Variants in CDH4 observed in about 807,000 individuals in gnomAD.
CDH4 encodes the protein cadherin 4.
CDH4 carries 33 observed loss-of-function variants against 86.0 expected under a neutral mutation model. The ratio of observed to expected loss-of-function variants is 0.38; its 90% CI spans 0.29 to 0.51. CDH4 has a LOEUF of 0.51. Ranked by LOEUF, CDH4 falls within the 20% of genes least tolerant of loss-of-function variation. The probability of loss-of-function intolerance (pLI) is 0.86; values close to 1 mark genes in which losing one functional copy is unlikely to be tolerated. For synonymous variants in CDH4, 555 were observed against 549.4 expected (o/e 1.01, Z -0.14); for missense variants, 1,114 against 1,307.4 (o/e 0.85, Z 2.28).
intron 3 of CDH4, among the ~76,000 whole-genome samples, chr20:61,756,990 A>G (rs1050056486): frequency 1.3e-5 from 2 of 152,222 alleles, no homozygotes; most frequent in Non-Finnish European, 2.9e-5. Context: ...GAAAAACAGC[A>G]ATTCTAGAAT....
intron 2 of CDH4, among the ~76,000 whole-genome samples, chr20:61,432,809 T>C (rs1158487456): frequency 6.6e-6 from 1 of 151,942 alleles, no homozygotes; most frequent in Non-Finnish European, 1.5e-5. Context: ...CTGTACCCTT[T>C]CTAGTTCTAC....
At chr20:61,599,342 C>T (rs940425930) in intron 2 of CDH4, among the ~76,000 whole-genome samples, 18 of 152,178 alleles carry the variant, frequency 1.2e-4, no homozygotes, top group South Asian at 8.3e-4. Flanking sequence ...CAAGAGGGGG[C>T]ACGCTGGATG....
At chr20:61,932,415 C>T (rs2055121496) in intron 13 of CDH4, among the ~76,000 whole-genome samples, 1 of 152,224 alleles carries the variant, frequency 6.6e-6, no homozygotes, top group Non-Finnish European at 1.5e-5. Flanking sequence ...CGCACACAGG[C>T]ATGCATGCAC....
intron 2 of CDH4, among the ~76,000 whole-genome samples, chr20:61,502,939 T>G (rs909695758): frequency 2.0e-5 from 3 of 152,236 alleles, no homozygotes; most frequent in Non-Finnish European, 4.4e-5. Flanking sequence ...GGGATCACAC[T>G]GAAGTGTCGC....
intron 2 of CDH4, among the ~76,000 whole-genome samples, chr20:61,595,872 G>A (rs1053840115): frequency 1.3e-5 from 2 of 152,222 alleles, no homozygotes; most frequent in African/African-American, 4.8e-5. Flanking sequence ...CACAGTGGGG[G>A]TGAATGATTC....
At chr20:61,434,792 C>T (rs6089615) in intron 2 of CDH4, 11,197 of 152,150 alleles carry the variant, frequency 0.074, 679 homozygotes, top group African/African-American at 0.16. Context: ...CAGCTGCTAA[C>T]CCCTGCGCTG....
rs2086268550 is a variant in CDH4 at position 61,565,222 on chromosome 20, A to AGTGGTCCTCTTGGTGATGG, written c.170-178340_170-178339insTGGTCCTCTTGGTGATGGG. ...TGGTGGTCGCGGTGCTCTCGGTGGT[A>AGTGGTCCTCTTGGTGATGG]GGTGGTGGTGGTGGTGGTGGCGGTG... is the stretch of plus-strand genomic sequence containing the variant. On this transcript the variant is annotated intron_variant, in intron 2 of 15. Transcript: ENST00000614565. 1.2e-3 allele frequency among the ~76,000 whole-genome samples: 13 copies of AGTGGTCCTCTTGGTGATGG among 10,702 alleles called. 2 individuals are homozygous for AGTGGTCCTCTTGGTGATGG. Among genetic ancestry groups the AGTGGTCCTCTTGGTGATGG allele is most frequent in the African/African-American group, 3.0e-3 (3 of 1,000 alleles). 7.0% of individuals were successfully genotyped at this position (10,702 alleles called of 152,430 possible).
At chr20:61,477,141 C>T (rs2085541850) in intron 2 of CDH4, among the ~76,000 whole-genome samples, 1 of 152,206 alleles carries the variant, frequency 6.6e-6, no homozygotes, top group South Asian at 2.1e-4. Context: ...GTCCCTGCCT[C>T]CCCACGCCTC....
At chr20:61,540,656 G>A (rs1419421838) in intron 2 of CDH4, among the ~76,000 whole-genome samples, 2 of 152,150 alleles carry the variant, frequency 1.3e-5, no homozygotes, top group African/African-American at 4.8e-5. Flanking sequence ...GAGTGGTGAC[G>A]ATTCAAAATA....
chr20:61,743,258 C>T lies in CDH4; in HGVS notation c.170-305C>T, dbSNP rs16985543. On this transcript the variant is annotated intron_variant, in intron 2 of 15. Coordinates refer to ENST00000614565, the MANE Select transcript of CDH4 (RefSeq NM_001794.5). Reference sequence around the variant, plus strand: ...TACCCACTGTGCCGCTCACAGACTCCGGCTGAATTCGGAGATAACAGCGGC... The same window carrying T: ...TACCCACTGTGCCGCTCACAGACTCTGGCTGAATTCGGAGATAACAGCGGC... Among the ~76,000 whole-genome samples the T allele has an allele frequency of 4.2e-3, 647 of 152,294 alleles. 27 individuals carry two copies. The highest frequency in any genetic ancestry group is 0.033 in the Admixed American group (504 of 15,306).
In CDH4 at chr20:61,776,225, G is replaced by A. The variant is rs920575039; in HGVS notation, c.576+3043G>A. Among the ~76,000 whole-genome samples the A allele has an allele frequency of 3.3e-5, 5 of 152,222 alleles. No individual in the cohort carries two copies. In the South Asian group the frequency reaches 8.3e-4, roughly 25 times the overall value. On this transcript the variant is annotated intron_variant, in intron 4 of 15. Transcript: ENST00000614565. ...AACATGGCTTTCCAATTTGCAGCAGGGAAATATGCCCCTTCTGATTAACAC... is the reference window on the plus strand; with the variant it reads ...AACATGGCTTTCCAATTTGCAGCAGAGAAATATGCCCCTTCTGATTAACAC...
At chr20:61,739,222 A>T (rs1024990358) in intron 2 of CDH4, 6 of 152,296 alleles carry the variant, frequency 3.9e-5, no homozygotes, top group Non-Finnish European at 8.8e-5. Flanking sequence ...GCTGTTTCCC[A>T]TGGGGAGGGA....
At chr20:61,323,413 G>T (rs535193978) in intron 2 of CDH4, among the ~76,000 whole-genome samples, 1 of 152,180 alleles carries the variant, frequency 6.6e-6, no homozygotes, top group South Asian at 2.1e-4. Flanking sequence ...CATGGCTCAC[G>T]TGCAGCCTGA....
At chr20:61,801,729 G>A (rs1979841185) in intron 4 of CDH4, among the ~76,000 whole-genome samples, 1 of 152,140 alleles carries the variant, frequency 6.6e-6, no homozygotes, top group South Asian at 2.1e-4. Flanking sequence ...GTCTTCAAGG[G>A]CAGCAGCACA....
intron 2 of CDH4, among the ~76,000 whole-genome samples, chr20:61,677,186 G>T (rs1219159147): frequency 1.3e-5 from 2 of 152,210 alleles, no homozygotes; most frequent in African/African-American, 2.4e-5. Context: ...GGGTGGAGCT[G>T]GCTGGAGTAG....
intron 7 of CDH4, among the ~76,000 whole-genome samples, chr20:61,888,935 G>A (rs7264531): frequency 0.039 from 5,929 of 152,270 alleles, 337 homozygotes; most frequent in African/African-American, 0.13. Context: ...CACTGACCAC[G>A]CAGTGTGACA....
At chr20:61,747,131 G>T (rs551286298) in intron 3 of CDH4, among the ~76,000 whole-genome samples, 1 of 152,182 alleles carries the variant, frequency 6.6e-6, no homozygotes, top group Non-Finnish European at 1.5e-5. Context: ...ACAATCGAAA[G>T]AAGAGGCAGA....
chr20:61,556,149 T>A (rs1365920730), intron 2 of CDH4, among the ~76,000 whole-genome samples: 1 of 152,182 alleles, frequency 6.6e-6, no homozygotes, highest in Non-Finnish European at 1.5e-5. Flanking sequence ...TGCCTTGAAC[T>A]TCAGCAACAA....
chr20:61,273,254 AGGGGAGTACCGTGTGCAGTTTG>A (rs2084195748), intron 2 of CDH4, among the ~76,000 whole-genome samples: 1 of 45,762 alleles, frequency 2.2e-5, no homozygotes, highest in Admixed American at 2.8e-4. Context: ...TGTGCAGTTT[AGGGGAGTACCGTGTGCAGTTTG>A]GGGGAGTATT....
Sources: allele counts gnomAD v4.1 joint callset (sites outside exome capture counted in the v4.1 genomes callset), GRCh38; gene constraint gnomAD v4.1.1; transcripts MANE v1.5; gene names NCBI Gene and HGNC (gene_info 2026-07-23, HGNC 2026-07-21).